Variants in ARL15 observed in about 807,000 individuals in gnomAD.
The protein encoded by ARL15 is ADP-ribosylation factor-like protein 15.
ARL15 carries 19 observed loss-of-function variants against 25.2 expected under a neutral mutation model. The ratio of observed to expected loss-of-function variants is 0.75; its 90% CI spans 0.53 to 1.10. The LOEUF (loss-of-function observed/expected upper bound fraction) is 1.10, where lower values mean the gene tolerates loss of function less well. ARL15 is among the 50% of genes least tolerant of loss of function. The pLI, the probability that ARL15 is intolerant of heterozygous loss-of-function variation, is 0.00. For synonymous variants in ARL15, 94 were observed against 86.8 expected (o/e 1.08, Z -0.46); for missense variants, 220 against 246.0 (o/e 0.89, Z 0.71).
At chr5:53,916,127 C>T (rs1044058314) in intron 4 of ARL15, among the ~76,000 whole-genome samples, 1 of 151,884 alleles carries the variant, frequency 6.6e-6, no homozygotes, top group Admixed American at 6.6e-5. Flanking sequence ...TGGGCTCAAG[C>T]GATCCTTCTC....
In ARL15 at chr5:54,258,095, G is replaced by A. The variant is rs920149411; in HGVS notation, c.48+52337C>T. Among the ~76,000 whole-genome samples the A allele has an allele frequency of 7.9e-5, 12 of 151,484 alleles. No homozygotes were observed. In the East Asian group the frequency reaches 1.6e-3, roughly 20 times the overall value. On this transcript the variant is annotated intron_variant, in intron 1 of 4. Coordinates refer to ENST00000504924, the MANE Select transcript of ARL15 (RefSeq NM_019087.3). ...TGTAATCCCAGCACTGAGGGAGGCC[G>A]AGAGGCAGGAGGATCGCTTGAGTCC...
intron 4 of ARL15, among the ~76,000 whole-genome samples, chr5:54,053,483 T>TG (rs1486241623): frequency 1.3e-5 from 2 of 150,652 alleles, no homozygotes; most frequent in Non-Finnish European, 3.0e-5. Flanking sequence ...CAGTAGAGTA[T>TG]GAAAAAAGAA....
At chr5:54,005,972 C>A (rs1281188444) in intron 4 of ARL15, among the ~76,000 whole-genome samples, 1 of 150,034 alleles carries the variant, frequency 6.7e-6, no homozygotes, top group Non-Finnish European at 1.5e-5. Context: ...ATTGCTTGAA[C>A]CCAGGAGGTG....
chr5:53,951,520 AG>A, intron 4 of ARL15: 1 of 471,894 alleles, frequency 2.1e-6, no homozygotes, highest in Non-Finnish European at 4.4e-6. Context: ...GGTTCTGTGT[AG>A]GTATTCTTTG....
At chr5:54,217,559 A>T (rs182979648) in intron 1 of ARL15, among the ~76,000 whole-genome samples, 1 of 152,186 alleles carries the variant, frequency 6.6e-6, no homozygotes, top group African/African-American at 2.4e-5. Flanking sequence ...AGCTTTCTTC[A>T]TCTACAAGTT....
chr5:54,109,638 T>C (rs901315817), intron 4 of ARL15, among the ~76,000 whole-genome samples: 9 of 151,972 alleles, frequency 5.9e-5, no homozygotes, highest in African/African-American at 2.2e-4. Flanking sequence ...TAAAACAAAT[T>C]AGTTACAATT....
At chr5:54,266,120 T>C (rs2112633029) in intron 1 of ARL15, among the ~76,000 whole-genome samples, 2 of 152,342 alleles carry the variant, frequency 1.3e-5, no homozygotes, top group Admixed American at 1.3e-4. Context: ...CTTCATTAAC[T>C]GCCAGTTGCA....
At chr5:54,180,324 T>C (rs1454290054) in intron 1 of ARL15, among the ~76,000 whole-genome samples, 1 of 152,196 alleles carries the variant, frequency 6.6e-6, no homozygotes, top group Non-Finnish European at 1.5e-5. Context: ...CCTATCTTTC[T>C]AGTTGTAAGA....
intron 3 of ARL15, among the ~76,000 whole-genome samples, chr5:54,142,221 C>A (rs780598124): frequency 6.6e-6 from 1 of 152,176 alleles, no homozygotes; most frequent in African/African-American, 2.4e-5. Flanking sequence ...ATTCCAGATC[C>A]TATCTTCTGT....
In ARL15 at chr5:54,154,537, T is replaced by C. The variant is rs375786010; in HGVS notation, c.253+43A>G. ...ATATAATACATTATTACCAAATTCA[T>C]AAAAGTTAAGGGCAGACATAGAAAT... On this transcript the variant is annotated intron_variant, in intron 3 of 4. Transcript: ENST00000504924. The C allele has an allele frequency of 5.4e-5, 71 of 1,308,218 alleles. No homozygotes were observed. In the African/African-American group the frequency reaches 1.0e-3, roughly 19 times the overall value. The allele number at this position is 1,308,218 out of a possible 1,614,324, so 81.0% of individuals were successfully genotyped here. A position where few individuals can be genotyped will look rare whatever the true frequency, so the allele number is the denominator to read the frequency against.
chr5:54,290,555 C>T (rs1476905148), intron 1 of ARL15, among the ~76,000 whole-genome samples: 1 of 152,076 alleles, frequency 6.6e-6, no homozygotes, highest in Non-Finnish European at 1.5e-5. Context: ...ATCCGCCCTC[C>T]TTGGCCTCTC....
chr5:53,926,720 G>A (rs58614496), intron 4 of ARL15, among the ~76,000 whole-genome samples: 35,488 of 151,994 alleles, frequency 0.23, 4,592 homozygotes, highest in African/African-American at 0.34. Context: ...CCAGCTTCAC[G>A]AGAATGATTC....
intron 1 of ARL15, among the ~76,000 whole-genome samples, chr5:54,188,678 A>G (rs1323334617): frequency 1.3e-5 from 2 of 152,188 alleles, no homozygotes; most frequent in African/African-American, 4.8e-5. Flanking sequence ...GAATTCTCTG[A>G]TATGTAAAAA....
At chr5:54,056,131 C>G (rs1750863296) in intron 4 of ARL15, among the ~76,000 whole-genome samples, 1 of 152,154 alleles carries the variant, frequency 6.6e-6, no homozygotes, top group African/African-American at 2.4e-5. Flanking sequence ...CATACGAGTT[C>G]TGCTTTTGAT....
intron 4 of ARL15, among the ~76,000 whole-genome samples, chr5:54,049,235 C>A (rs1344680964): frequency 6.6e-6 from 1 of 151,904 alleles, no homozygotes; most frequent in Admixed American, 6.6e-5. Flanking sequence ...TCTTAAATTA[C>A]TTATTTTTTG....
At chr5:54,095,327 T>G (rs1386809580) in intron 4 of ARL15, among the ~76,000 whole-genome samples, 2 of 152,212 alleles carry the variant, frequency 1.3e-5, no homozygotes, top group African/African-American at 2.4e-5. Flanking sequence ...ATAGTTCTTT[T>G]TAGAATGGCT....
At chr5:53,938,397 A>G (rs1360707551) in intron 4 of ARL15, among the ~76,000 whole-genome samples, 2 of 152,236 alleles carry the variant, frequency 1.3e-5, no homozygotes, top group South Asian at 2.1e-4. Context: ...TTTCTTGTAC[A>G]AGGAATTAAC....
intron 1 of ARL15, among the ~76,000 whole-genome samples, chr5:54,279,947 T>C (rs1579977954): frequency 6.6e-6 from 1 of 152,224 alleles, no homozygotes; most frequent in East Asian, 1.9e-4. Flanking sequence ...GCTTCAGGTC[T>C]ACCATGGCAT....
rs1561257283 is a variant in ARL15 at position 54,184,257 on chromosome 5, AAATC to A, written c.49-12333_49-12330del. 4.5e-3 allele frequency among the ~76,000 whole-genome samples: 116 copies of A among 25,508 alleles called. No homozygotes were observed. The East Asian group carries it at 0.054, about 12-fold the overall frequency. The allele number at this position is 25,508 out of a possible 152,430, so 16.7% of individuals were successfully genotyped here. On this transcript the variant is annotated intron_variant, in intron 1 of 4. Transcript: ENST00000504924. ...TAAAACTTAAAGTATAATAAAAAAA[AAATC>A]AAAAAAAAAAAAAAAAAAGAAAAAT...
Sources: gnomAD v4.1 joint callset for allele counts (sites outside exome capture counted in the v4.1 genomes callset) on GRCh38, gnomAD v4.1.1 for gene constraint, MANE v1.5 for transcripts, NCBI Gene and HGNC (gene_info 2026-07-23, HGNC 2026-07-21) for gene names.